The following PPP2R2B variants were observed in gnomAD, a reference collection of about 807,000 sequenced individuals.
The protein encoded by PPP2R2B is serine/threonine-protein phosphatase 2A 55 kDa regulatory subunit B beta isoform.
PPP2R2B carries 5 observed loss-of-function variants against 46.0 expected under a neutral mutation model. The ratio of observed to expected loss-of-function variants is 0.11; its 90% confidence interval spans 0.06 to 0.23. The LOEUF is 0.23. Among genes scored for constraint, PPP2R2B ranks in the 10% least tolerant of loss-of-function variants. PPP2R2B has a pLI of 1.00. For missense variants in PPP2R2B, 367 were observed against 575.0 expected, an observed-to-expected ratio of 0.64 and a Z score of 3.70; for synonymous variants, 215 against 206.7, an observed-to-expected ratio of 1.04 and a Z score of -0.34.
At chr5:146,606,536 C>T (rs572510321) in intron 7 of PPP2R2B, among the ~76,000 whole-genome samples, 13 of 152,296 alleles carry the variant, frequency 8.5e-5, no homozygotes, top group Middle Eastern at 6.8e-3. Context: ...TGAGAATAGA[C>T]GAGATCTTGC....
intron 2 of PPP2R2B, among the ~76,000 whole-genome samples, chr5:147,077,885 T>C (rs1433863310): frequency 6.6e-6 from 1 of 152,202 alleles, no homozygotes; most frequent in African/African-American, 2.4e-5. Context: ...CAACCTATCT[T>C]CAGTTCACGT....
At chr5:146,764,969 G>T (rs1316790863) in intron 2 of PPP2R2B, among the ~76,000 whole-genome samples, 10 of 152,036 alleles carry the variant, frequency 6.6e-5, no homozygotes. Flanking sequence ...ATTATCCTCA[G>T]GTATAAAAAG....
At chr5:146,663,663 G>A (rs514069) in intron 5 of PPP2R2B, among the ~76,000 whole-genome samples, 143,248 of 152,180 alleles carry the variant, frequency 0.94, 67,782 homozygotes, top group East Asian at 1. Context: ...CAAGGTACAT[G>A]CCTGAAGTAA....
intron 1 of PPP2R2B, among the ~76,000 whole-genome samples, chr5:146,906,457 G>A (rs1763000545): frequency 6.6e-6 from 1 of 152,032 alleles, no homozygotes. Context: ...CTAGTAGCTG[G>A]GATTACAGGC....
chr5:146,797,138 A>C (rs964571016), intron 2 of PPP2R2B, among the ~76,000 whole-genome samples: 12 of 152,208 alleles, frequency 7.9e-5, no homozygotes, highest in African/African-American at 2.9e-4. Flanking sequence ...AATCAACAGA[A>C]TAAAGGGCTC....
At chr5:147,038,024 T>C (rs1010074806) in intron 1 of PPP2R2B, among the ~76,000 whole-genome samples, 14 of 152,176 alleles carry the variant, frequency 9.2e-5, no homozygotes, top group Non-Finnish European at 1.9e-4. Context: ...CCCTCCTGGG[T>C]CACGGAGAAG....
intron 5 of PPP2R2B, among the ~76,000 whole-genome samples, chr5:146,688,256 CAG>C (rs1403224796): frequency 6.6e-6 from 1 of 151,532 alleles, no homozygotes; most frequent in East Asian, 1.9e-4. Context: ...CAAAATATAA[CAG>C]AGGTTATATA....
intron 2 of PPP2R2B, among the ~76,000 whole-genome samples, chr5:146,841,341 G>C (rs1759626963): frequency 6.6e-6 from 1 of 152,170 alleles, no homozygotes. Context: ...TCTTTGTAGA[G>C]TTTTTAAAGA....
chr5:146,863,186 C>T (rs1340356570), intron 2 of PPP2R2B, among the ~76,000 whole-genome samples: 1 of 152,086 alleles, frequency 6.6e-6, no homozygotes, highest in Non-Finnish European at 1.5e-5. Flanking sequence ...CCTCTATATC[C>T]TATTAAGTGA....
intron 1 of PPP2R2B, among the ~76,000 whole-genome samples, chr5:146,935,799 C>T (rs1401424866): frequency 2.6e-5 from 4 of 152,110 alleles, no homozygotes; most frequent in African/African-American, 7.2e-5. Flanking sequence ...GGGAGCATGT[C>T]TTAAAGCTGT....
chr5:146,771,432 A>G (rs1340890659), intron 2 of PPP2R2B, among the ~76,000 whole-genome samples: 1 of 152,228 alleles, frequency 6.6e-6, no homozygotes, highest in Admixed American at 6.5e-5. Context: ...TTTCAGATCA[A>G]CTACAAGTGA....
At chr5:146,791,141 A>G (rs1582111714) in intron 2 of PPP2R2B, among the ~76,000 whole-genome samples, 1 of 152,200 alleles carries the variant, frequency 6.6e-6, no homozygotes, top group Admixed American at 6.5e-5. Context: ...GGACATATAT[A>G]TAACACAAAA....
chr5:146,984,048 T>C (rs1221598159), intron 1 of PPP2R2B, among the ~76,000 whole-genome samples: 1 of 152,220 alleles, frequency 6.6e-6, no homozygotes, highest in African/African-American at 2.4e-5. Flanking sequence ...ATCAAATTAG[T>C]TAACATATCC....
chr5:146,706,727 C>A, intron 2 of PPP2R2B: 1 of 816,758 alleles, frequency 1.2e-6, no homozygotes. Context: ...TTGTAAGACG[C>A]AGGTCTTCCC....
intron 2 of PPP2R2B, among the ~76,000 whole-genome samples, chr5:146,759,272 T>A (rs973044215): frequency 6.6e-6 from 1 of 152,218 alleles, no homozygotes; most frequent in Non-Finnish European, 1.5e-5. Context: ...TTCAGGGAAT[T>A]TTCCTTATGT....
chr5:146,852,172 CA>C (rs1343313901), intron 2 of PPP2R2B, among the ~76,000 whole-genome samples: 1 of 151,982 alleles, frequency 6.6e-6, no homozygotes, highest in Non-Finnish European at 1.5e-5. Flanking sequence ...ATTAAGGCTG[CA>C]GGCTTATGAG....
intron 2 of PPP2R2B, among the ~76,000 whole-genome samples, chr5:147,069,767 A>G (rs973397877): frequency 7.7e-6 from 1 of 130,590 alleles, no homozygotes; most frequent in African/African-American, 3.4e-5. Context: ...CCACTCCCAC[A>G]TGAACACATT....
intron 2 of PPP2R2B, among the ~76,000 whole-genome samples, chr5:147,077,314 ACACC>A (rs1757818201): frequency 1.4e-5 from 2 of 143,612 alleles, no homozygotes; most frequent in African/African-American, 5.6e-5. Context: ...ACACACACCC[ACACC>A]CACACCCCTA....
intron 1 of PPP2R2B, among the ~76,000 whole-genome samples, chr5:146,890,865 A>G (rs1416818014): frequency 6.6e-6 from 1 of 152,110 alleles, no homozygotes; most frequent in Non-Finnish European, 1.5e-5. Context: ...GAATTTAATG[A>G]TTTCTCTCCC....
Sources: gnomAD v4.1 joint callset for allele counts (sites outside exome capture counted in the v4.1 genomes callset) on GRCh38, gnomAD v4.1.1 for gene constraint, MANE v1.5 for transcripts, NCBI Gene and HGNC (gene_info 2026-07-23, HGNC 2026-07-21) for gene names.